Variants in NKAIN3 observed in about 807,000 individuals in gnomAD.
NKAIN3 encodes the protein sodium/potassium transporting ATPase interacting 3.
NKAIN3 carries 25 observed loss-of-function variants against 30.2 expected under a neutral mutation model. The observed-to-expected ratio is 0.83, with a 90% CI of 0.60 to 1.16. The LOEUF is 1.16. NKAIN3 is among the 50% of genes most tolerant of loss of function. The probability of loss-of-function intolerance (pLI) is 0.00; values close to 1 mark genes in which losing one functional copy is unlikely to be tolerated. For missense variants in NKAIN3, 225 were observed against 254.1 expected, an observed-to-expected ratio of 0.89 and a Z score of 0.78; for synonymous variants, 91 against 89.6, an observed-to-expected ratio of 1.02 and a Z score of -0.09.
intron 1 of NKAIN3, among the ~76,000 whole-genome samples, chr8:62,450,478 ATGATAATAAT>A (rs1563404180): frequency 6.6e-6 from 1 of 152,140 alleles, no homozygotes; most frequent in Non-Finnish European, 1.5e-5. Flanking sequence ...ATCCAATATG[ATGATAATAAT>A]AATTACATAA....
At chr8:62,849,709 G>GT (rs1292860347) in intron 4 of NKAIN3, among the ~76,000 whole-genome samples, 1 of 148,378 alleles carries the variant, frequency 6.7e-6, no homozygotes, top group African/African-American at 2.5e-5. Flanking sequence ...GCGGTGTTTG[G>GT]TTTTTTGTCC....
rs1378429454 is a variant in NKAIN3, at chr8:62,982,029, AAC to A, written c.*16627_*16628del. 1 of 152,180 alleles carries A rather than the reference AAC, an allele frequency of 6.6e-6. No homozygotes were observed. The highest frequency in any genetic ancestry group is 2.4e-5 in the African/African-American group (1 of 41,444). 9.4% of individuals were successfully genotyped at this position (152,180 alleles called of 1,614,324 possible). On this transcript the variant is annotated 3_prime_UTR_variant, in exon 7 of 7. Transcript: ENST00000623646. ...TAAGCAGAAATAATGGCAATAATTA[AAC>A]ACACTATCTCTACCTAAAAGAACAG...
At chr8:62,366,367 C>T (rs955915126) in intron 1 of NKAIN3, among the ~76,000 whole-genome samples, 7 of 151,996 alleles carry the variant, frequency 4.6e-5, no homozygotes, top group Non-Finnish European at 1.0e-4. Flanking sequence ...GCTGGGATTA[C>T]AGGCATGCAC....
At chr8:62,431,899 T>C (rs1186960837) in intron 1 of NKAIN3, among the ~76,000 whole-genome samples, 1 of 130,722 alleles carries the variant, frequency 7.6e-6, no homozygotes, top group Non-Finnish European at 1.6e-5. Context: ...TAAGAACTGT[T>C]TTCACCCAAT....
At chr8:62,413,749 A>G (rs949071946) in intron 1 of NKAIN3, among the ~76,000 whole-genome samples, 5 of 152,162 alleles carry the variant, frequency 3.3e-5, no homozygotes, top group Admixed American at 2.0e-4. Flanking sequence ...AAAAGATATC[A>G]TAATATAGGA....
chr8:62,375,070 A>G lies in NKAIN3; in HGVS notation c.54+125943A>G, dbSNP rs796103954. 2.6e-5 allele frequency among the ~76,000 whole-genome samples: 4 copies of G among 152,352 alleles called. No homozygotes were observed. In the South Asian group the frequency reaches 8.3e-4, roughly 32 times the overall value. ...ATCCACACTACCTTAATGAAAATGA[A>G]TTATTTGAAACAAATTGATTATTCT... On this transcript the variant is annotated intron_variant, in intron 1 of 6. Coordinates refer to ENST00000623646, the MANE Select transcript of NKAIN3 (RefSeq NM_001304533.3).
chr8:62,776,541 A>G (rs1444293062), intron 4 of NKAIN3, among the ~76,000 whole-genome samples: 1 of 152,206 alleles, frequency 6.6e-6, no homozygotes, highest in Non-Finnish European at 1.5e-5. Flanking sequence ...TGATTGCATT[A>G]AAGAAAACCA....
chr8:62,402,287 T>C (rs1326832825), intron 1 of NKAIN3, among the ~76,000 whole-genome samples: 1 of 152,200 alleles, frequency 6.6e-6, no homozygotes, highest in Non-Finnish European at 1.5e-5. Context: ...TGGTAAATGC[T>C]TCCAGGCCTG....
intron 4 of NKAIN3, among the ~76,000 whole-genome samples, chr8:62,849,250 C>G (rs1482697239): frequency 1.4e-5 from 2 of 146,956 alleles, no homozygotes; most frequent in Non-Finnish European, 3.0e-5. Context: ...CAGCTATTTT[C>G]TGTACCTCTG....
At chr8:62,404,287 C>G (rs1803987927) in intron 1 of NKAIN3, among the ~76,000 whole-genome samples, 2 of 152,072 alleles carry the variant, frequency 1.3e-5, no homozygotes, top group Admixed American at 1.3e-4. Context: ...GTTTGGAGAA[C>G]TTTTGGAAGG....
At chr8:62,729,024 C>CAAAA (rs71501600) in intron 3 of NKAIN3, among the ~76,000 whole-genome samples, 1 of 16,448 alleles carries the variant, frequency 6.1e-5, no homozygotes, top group Non-Finnish European at 1.2e-4. Context: ...ACAAACAAAC[C>CAAAA]AAAAAAAAAA....
intron 4 of NKAIN3, among the ~76,000 whole-genome samples, chr8:62,802,614 G>T (rs1818108898): frequency 6.6e-6 from 1 of 152,186 alleles, no homozygotes; most frequent in Admixed American, 6.5e-5. Flanking sequence ...CCTGAAAGAA[G>T]CACTAAACAT....
intron 4 of NKAIN3, among the ~76,000 whole-genome samples, chr8:62,905,522 A>G (rs1821748909): frequency 6.6e-6 from 1 of 152,186 alleles, no homozygotes; most frequent in African/African-American, 2.4e-5. Context: ...TCCAGCGACT[A>G]TCCTTTTTCT....
At chr8:62,687,735 T>C (rs898058144) in intron 3 of NKAIN3, among the ~76,000 whole-genome samples, 6 of 152,196 alleles carry the variant, frequency 3.9e-5, no homozygotes, top group Non-Finnish European at 7.3e-5. Flanking sequence ...AACATTATCG[T>C]TTTCAAATTT....
intron 1 of NKAIN3, among the ~76,000 whole-genome samples, chr8:62,263,474 G>A (rs1812508679): frequency 6.6e-6 from 1 of 152,194 alleles, no homozygotes; most frequent in South Asian, 2.1e-4. Context: ...TCAGAATTAC[G>A]CTGATGGGCC....
At chr8:62,998,367 C>T (rs1682236298) in intron 5 of NKAIN3, among the ~76,000 whole-genome samples, 1 of 152,110 alleles carries the variant, frequency 6.6e-6, no homozygotes, top group African/African-American at 2.4e-5. Context: ...CCTCCACCCC[C>T]TGGGTTCAAG....
At chr8:62,933,617 C>T (rs1585592554) in intron 5 of NKAIN3, among the ~76,000 whole-genome samples, 1 of 152,088 alleles carries the variant, frequency 6.6e-6, no homozygotes. Flanking sequence ...AATTCATTAT[C>T]CTATTATTTA....
chr8:62,486,810 CT>C (rs1041115857), intron 1 of NKAIN3, among the ~76,000 whole-genome samples: 1 of 152,160 alleles, frequency 6.6e-6, no homozygotes, highest in African/African-American at 2.4e-5. Context: ...ATTCTGCATC[CT>C]TTTTCTGAGG....
At chr8:62,402,536 C>G (rs976779394) in intron 1 of NKAIN3, among the ~76,000 whole-genome samples, 6 of 149,282 alleles carry the variant, frequency 4.0e-5, no homozygotes, top group African/African-American at 1.2e-4. Context: ...ATGCCATTCT[C>G]ATGATAGTGA....
Sources: gnomAD v4.1 joint callset for allele counts (sites outside exome capture counted in the v4.1 genomes callset) on GRCh38, gnomAD v4.1.1 for gene constraint, MANE v1.5 for transcripts, NCBI Gene and HGNC (gene_info 2026-07-23, HGNC 2026-07-21) for gene names.